The following PLCL1 variants were observed in gnomAD, a reference collection of about 807,000 sequenced individuals.
The protein encoded by PLCL1 is inactive phospholipase C-like protein 1.
A neutral mutation model predicts 84.4 loss-of-function variants in PLCL1; 41 were observed. The ratio of observed to expected loss-of-function variants is 0.49; its 90% CI spans 0.38 to 0.63. The LOEUF is 0.63. PLCL1 is among the 30% of genes least tolerant of loss of function. PLCL1 has a pLI of 0.00. For missense variants in PLCL1, 1,206 were observed against 1,367.8 expected (o/e 0.88, Z 1.87); for synonymous variants, 490 against 488.3 (o/e 1.00, Z -0.05).
At chr2:198,096,823 C>T (rs1308658589) in intron 3 of PLCL1, among the ~76,000 whole-genome samples, 1 of 152,096 alleles carries the variant, frequency 6.6e-6, no homozygotes, top group African/African-American at 2.4e-5. Context: ...TAATTGCTGT[C>T]TAATCACGCT....
intron 1 of PLCL1, among the ~76,000 whole-genome samples, chr2:197,864,349 C>CT (rs751518994): frequency 0.018 from 2,314 of 131,276 alleles, 22 homozygotes; most frequent in South Asian, 0.027. Flanking sequence ...TCAACTCTTT[C>CT]TTTTTTTTTT....
intron 1 of PLCL1, among the ~76,000 whole-genome samples, chr2:197,939,875 C>T (rs992933500): frequency 6.6e-6 from 1 of 152,180 alleles, no homozygotes; most frequent in Admixed American, 6.5e-5. Context: ...GATTCTCAAA[C>T]CTGGCTGCGT....
At chr2:198,055,618 G>A (rs1338577368) in intron 1 of PLCL1, among the ~76,000 whole-genome samples, 1 of 150,656 alleles carries the variant, frequency 6.6e-6, no homozygotes, top group Non-Finnish European at 1.5e-5. Flanking sequence ...CATGAAGCAT[G>A]GTTCTCCTTG....
chr2:197,978,287 T>C (rs1359091036), intron 1 of PLCL1, among the ~76,000 whole-genome samples: 2 of 152,048 alleles, frequency 1.3e-5, no homozygotes, highest in African/African-American at 4.8e-5. Context: ...CCATCCTGGC[T>C]AACACGGTGA....
At chr2:197,985,908 T>A (rs1270641899) in intron 1 of PLCL1, among the ~76,000 whole-genome samples, 1 of 152,240 alleles carries the variant, frequency 6.6e-6, no homozygotes, top group African/African-American at 2.4e-5. Flanking sequence ...TAGCTATTTT[T>A]GGGCTCACCA....
chr2:198,039,091 T>C (rs927790659), intron 1 of PLCL1, among the ~76,000 whole-genome samples: 2 of 152,148 alleles, frequency 1.3e-5, no homozygotes, highest in Non-Finnish European at 2.9e-5. Flanking sequence ...TGACAGGTTC[T>C]TTATACATTT....
intron 1 of PLCL1, among the ~76,000 whole-genome samples, chr2:198,059,575 G>A (rs1692144405): frequency 6.6e-6 from 1 of 152,112 alleles, no homozygotes; most frequent in Admixed American, 6.6e-5. Context: ...GAGGAGCCTG[G>A]TGTAGTTGGA....
In PLCL1 at chr2:198,121,072, T is replaced by C. The variant is rs1304217349; in HGVS notation, c.3105+17136T>C. Among the ~76,000 whole-genome samples, 4 of 152,124 alleles carry C rather than the reference T, an allele frequency of 2.6e-5. No homozygotes were observed. The East Asian group carries it at 7.8e-4, about 30-fold the overall frequency. ...TTTTGCATTTCTCTGATGATCAGTG[T>C]TGTTGAATACCTTTCCATATGCCTG... On this transcript the variant is annotated intron_variant, in intron 5 of 5. Coordinates refer to ENST00000428675, the MANE Select transcript of PLCL1 (RefSeq NM_006226.4).
At chr2:198,045,572 A>C (rs569158641) in intron 1 of PLCL1, among the ~76,000 whole-genome samples, 3 of 152,316 alleles carry the variant, frequency 2.0e-5, no homozygotes, top group Non-Finnish European at 4.4e-5. Context: ...GAAAAGAAAT[A>C]ATTGTTTTGC....
At position 198,002,018 on chromosome 2, in the gene PLCL1, AT is replaced by A. The variant is rs530626653; in HGVS notation, c.241-81739del. 6.7e-4 allele frequency: 286 copies of A among 424,720 alleles called. 1 individual carries two copies. The highest frequency in any genetic ancestry group is 5.3e-3 in the African/African-American group (263 of 49,646). 26.3% of individuals were successfully genotyped at this position (424,720 alleles called of 1,614,324 possible). A position where few individuals can be genotyped will look rare whatever the true frequency, so the allele number is the denominator to read the frequency against. ...CTGATTCTTCATTATGGTGAGTTGT[AT>A]AATTATTTCATTATATATTACAATG... On this transcript the variant is annotated intron_variant, in intron 1 of 5. Transcript: ENST00000428675.
At chr2:198,133,195 C>T (rs915427976) in intron 5 of PLCL1, among the ~76,000 whole-genome samples, 7 of 151,700 alleles carry the variant, frequency 4.6e-5, no homozygotes, top group Admixed American at 1.3e-4. Flanking sequence ...ACTATGCAGC[C>T]ATAAAAAATG....
At chr2:197,933,229 A>G (rs1480979107) in intron 1 of PLCL1, among the ~76,000 whole-genome samples, 1 of 141,716 alleles carries the variant, frequency 7.1e-6, no homozygotes, top group Non-Finnish European at 1.6e-5. Context: ...CCTGACTCCC[A>G]TCTGATGTTT....
At chr2:197,868,435 ACTTTAT>A (rs1235292469) in intron 1 of PLCL1, among the ~76,000 whole-genome samples, 2 of 152,180 alleles carry the variant, frequency 1.3e-5, no homozygotes, top group South Asian at 2.1e-4. Context: ...ATTCTTGTGT[ACTTTAT>A]CTTTATTCAC....
intron 1 of PLCL1, among the ~76,000 whole-genome samples, chr2:197,852,342 C>T (rs1687255227): frequency 6.6e-6 from 1 of 152,174 alleles, no homozygotes; most frequent in African/African-American, 2.4e-5. Context: ...CTGATCCTGG[C>T]TCTAGATTGT....
chr2:197,861,698 G>A (rs1687436490), intron 1 of PLCL1, among the ~76,000 whole-genome samples: 1 of 152,142 alleles, frequency 6.6e-6, no homozygotes, highest in African/African-American at 2.4e-5. Flanking sequence ...TGTCACAATT[G>A]ACTTGAATTA....
At chr2:197,933,299 T>A (rs1688983627) in intron 1 of PLCL1, among the ~76,000 whole-genome samples, 2 of 149,410 alleles carry the variant, frequency 1.3e-5, no homozygotes, top group African/African-American at 4.9e-5. Context: ...AGTCTCTCTC[T>A]GTTGCCCAGG....
At chr2:198,107,034 G>A (rs1693492388) in intron 5 of PLCL1, among the ~76,000 whole-genome samples, 2 of 151,882 alleles carry the variant, frequency 1.3e-5, no homozygotes, top group South Asian at 4.1e-4. Flanking sequence ...GTACCCGAGA[G>A]TGGGTAATTA....
At chr2:197,861,779 T>TA (rs1687438036) in intron 1 of PLCL1, among the ~76,000 whole-genome samples, 1 of 152,192 alleles carries the variant, frequency 6.6e-6, no homozygotes. Flanking sequence ...CCCCTACCCC[T>TA]ACATTTGGTC....
intron 1 of PLCL1, among the ~76,000 whole-genome samples, chr2:197,965,447 G>A (rs370400808): frequency 2.0e-4 from 30 of 151,924 alleles, no homozygotes; most frequent in Non-Finnish European, 3.1e-4. Flanking sequence ...TAGGTCTTCT[G>A]TCTTTTTTTC....
Sources: gnomAD v4.1 joint callset for allele counts (sites outside exome capture counted in the v4.1 genomes callset) on GRCh38, gnomAD v4.1.1 for gene constraint, MANE v1.5 for transcripts, NCBI Gene and HGNC (gene_info 2026-07-23, HGNC 2026-07-21) for gene names.